SESTD1: variants seen among roughly 807,000 people sequenced by gnomAD.
The protein encoded by SESTD1 is SEC14 domain and spectrin repeat-containing protein 1.
SESTD1 carries 43 observed loss-of-function variants against 101.7 expected under a neutral mutation model. That is an observed-to-expected ratio of 0.42 (90% CI 0.33 to 0.55). The LOEUF is 0.55. SESTD1 is among the 20% of genes least tolerant of loss of function. SESTD1 has a pLI of 0.07. For missense variants in SESTD1, 647 were observed against 815.1 expected, an observed-to-expected ratio of 0.79 and a Z score of 2.51; for synonymous variants, 283 against 286.8, an observed-to-expected ratio of 0.99 and a Z score of 0.13.
At chr2:179,258,598 T>C (rs897075733) in intron 1 of SESTD1, among the ~76,000 whole-genome samples, 1 of 152,210 alleles carries the variant, frequency 6.6e-6, no homozygotes, top group African/African-American at 2.4e-5. Context: ...AGATTACTTC[T>C]TTCCAAGAAT....
chr2:179,115,134 A>G lies in SESTD1; in HGVS notation c.1770T>C (p.Phe590=). The G allele has an allele frequency of 1.7e-5, 27 of 1,613,656 alleles. No individual in the cohort carries two copies. Among genetic ancestry groups the G allele is most frequent in the Non-Finnish European group, 2.3e-5 (27 of 1,179,866 alleles). The change falls in exon 16 of 18, where the codon TTT becomes TTC. Residue 590 remains phenylalanine (F), a synonymous_variant. Coordinates refer to ENST00000428443, the MANE Select transcript of SESTD1 (RefSeq NM_178123.5). The part of the protein sequence containing the change: ...LPRLNRVWKQ[F]TIASEERVHR... ...GTACTCTCTCTTCAGATGCTATTGT[A>G]AATTGTTTCCATACTCTGTTCAGTC...
intron 1 of SESTD1, among the ~76,000 whole-genome samples, chr2:179,229,780 A>ATATATATATATATAT (rs2046953299): frequency 3.9e-5 from 3 of 77,346 alleles, no homozygotes; most frequent in African/African-American, 6.9e-5. Context: ...TATATACTCA[A>ATATATATATATATAT]ATACACACAC....
rs140203892 is a variant in SESTD1, at chr2:179,198,956, G to A, written c.-25-7090C>T. On this transcript the variant is annotated intron_variant, in intron 1 of 17. Transcript: ENST00000428443. ...CAGAAGGCAAGAAATAACTAAAATC[G>A]GAGTTAAACTGAAGGAAATAGAGAC... 2.1e-3 allele frequency among the ~76,000 whole-genome samples: 315 copies of A among 152,038 alleles called. 1 individual carries two copies. Among genetic ancestry groups the A allele is most frequent in the African/African-American group, 7.0e-3 (290 of 41,484 alleles).
At chr2:179,174,581 ATAAAAGTGCTGGAAGCACTTT>A in intron 4 of SESTD1, 1 of 384,066 alleles carries the variant, frequency 2.6e-6, no homozygotes, top group South Asian at 2.1e-5. Flanking sequence ...GGCTTGAAAT[ATAAAAGTGCTGGAAGCACTTT>A]TTTTTCAAAG....
intron 15 of SESTD1, 134 bp downstream of exon 15, chr2:179,116,534 T>G: frequency 7.0e-7 from 1 of 1,435,302 alleles, no homozygotes; most frequent in Non-Finnish European, 9.8e-7. Context: ...CAGCTGACAT[T>G]TTCTTAATTC....
chr2:179,258,564 T>C (rs569572014), intron 1 of SESTD1, among the ~76,000 whole-genome samples: 1 of 152,222 alleles, frequency 6.6e-6, no homozygotes, highest in Non-Finnish European at 1.5e-5. Flanking sequence ...GCAAATCTAC[T>C]AGAAGGCAAT....
chr2:179,254,675 T>C (rs1182760433), intron 1 of SESTD1, among the ~76,000 whole-genome samples: 1 of 152,228 alleles, frequency 6.6e-6, no homozygotes, highest in African/African-American at 2.4e-5. Context: ...CAATCAAAGC[T>C]AGCCCATGAA....
rs992130081 is a variant in SESTD1, at chr2:179,106,180, T to C, written c.*3719A>G. 6.6e-6 allele frequency: 1 copy of C among 152,192 alleles called. No homozygotes were observed. Among genetic ancestry groups the C allele is most frequent in the African/African-American group, 2.4e-5 (1 of 41,454 alleles). 9.4% of individuals were successfully genotyped at this position (152,192 alleles called of 1,614,324 possible). A position where few individuals can be genotyped will look rare whatever the true frequency, so the allele number is the denominator to read the frequency against. ...TTTCCTTTGGGGGCTTAAGCAAAGATATCCTAATCATACAGATCTCACTAC... is the reference window on the plus strand; with the variant it reads ...TTTCCTTTGGGGGCTTAAGCAAAGACATCCTAATCATACAGATCTCACTAC... On this transcript the variant is annotated 3_prime_UTR_variant, in exon 18 of 18. Coordinates refer to ENST00000428443, the MANE Select transcript of SESTD1 (RefSeq NM_178123.5).
chr2:179,201,972 C>G (rs963191688), intron 1 of SESTD1, among the ~76,000 whole-genome samples: 1 of 120,630 alleles, frequency 8.3e-6, no homozygotes, highest in East Asian at 2.1e-4. Flanking sequence ...AAGAGGAATG[C>G]TTAGGACAAG....
rs763769051 is a variant in SESTD1, at chr2:179,212,195, T to C, written c.-25-20329A>G. Reference sequence around the variant, plus strand: ...GGGCAAGCCGAAGCAGGGCGGGGAGTTGCTTCACCTAGGAAGCGCAAGGGG... The same window carrying C: ...GGGCAAGCCGAAGCAGGGCGGGGAGCTGCTTCACCTAGGAAGCGCAAGGGG... On this transcript the variant is annotated intron_variant, in intron 1 of 17. Coordinates refer to ENST00000428443, the MANE Select transcript of SESTD1 (RefSeq NM_178123.5). Among the ~76,000 whole-genome samples the C allele has an allele frequency of 2.7e-4, 36 of 131,654 alleles. 6 individuals carry two copies. Among genetic ancestry groups the C allele is most frequent in the Non-Finnish European group, 5.2e-4 (32 of 61,780 alleles). The allele number at this position is 131,654 out of a possible 152,430, so 86.4% of individuals were successfully genotyped here. A position where few individuals can be genotyped will look rare whatever the true frequency, so the allele number is the denominator to read the frequency against.
intron 1 of SESTD1, among the ~76,000 whole-genome samples, chr2:179,200,439 A>G (rs2046488818): frequency 6.6e-6 from 1 of 150,732 alleles, no homozygotes; most frequent in African/African-American, 2.5e-5. Flanking sequence ...TTCATATGGA[A>G]CCAAAAAAGA....
chr2:179,138,758 C>T (rs1018410361), intron 9 of SESTD1, among the ~76,000 whole-genome samples: 2 of 151,004 alleles, frequency 1.3e-5, no homozygotes, highest in African/African-American at 4.9e-5. Flanking sequence ...GTAGTCCCAG[C>T]TACTCAGGAG....
At chr2:179,182,530 A>T (rs902362648) in intron 3 of SESTD1, among the ~76,000 whole-genome samples, 1 of 150,870 alleles carries the variant, frequency 6.6e-6, no homozygotes, top group Admixed American at 6.6e-5. Flanking sequence ...AGGAAGCTTT[A>T]TTTTTTTTTG....
chr2:179,196,682 C>G (rs2046401451), intron 1 of SESTD1, among the ~76,000 whole-genome samples: 1 of 152,156 alleles, frequency 6.6e-6, no homozygotes, highest in South Asian at 2.1e-4. Context: ...TGGGAGGCAC[C>G]CCCCAGAAGG....
Position 179,151,292 on chromosome 2 carries a change from A to G in SESTD1, c.469T>C (p.Leu157=). The G allele has an allele frequency of 6.3e-7, 1 of 1,595,410 alleles. No homozygotes were observed. Among genetic ancestry groups the G allele is most frequent in the Non-Finnish European group, 8.5e-7 (1 of 1,172,186 alleles). The change falls in exon 6 of 18, where the codon TTA becomes CTA. Residue 157 remains leucine (L), a synonymous_variant. Transcript: ENST00000428443. ...GSLTYDHMDW[L]NKRLVFEKFT... is the part of the protein sequence containing the mutation. ...AATATACCAACCAGCCTCTTATTTAACCAGTCCATGTGATCATAGGTGAGA... is the reference window on the plus strand; with the variant it reads ...AATATACCAACCAGCCTCTTATTTAGCCAGTCCATGTGATCATAGGTGAGA...
intron 9 of SESTD1, among the ~76,000 whole-genome samples, chr2:179,136,991 AAAATGATGC>A (rs2045160122): frequency 6.6e-6 from 1 of 152,134 alleles, no homozygotes; most frequent in Non-Finnish European, 1.5e-5. Flanking sequence ...ATTTCTAATA[AAAATGATGC>A]AAATTGAGGT....
At chr2:179,195,816 G>A (rs1192336447) in intron 1 of SESTD1, among the ~76,000 whole-genome samples, 2 of 148,236 alleles carry the variant, frequency 1.3e-5, no homozygotes, top group Non-Finnish European at 3.0e-5. Flanking sequence ...AGGTTATAAA[G>A]GTAAAAAGGC....
chr2:179,193,988 C>A (rs527920956), intron 1 of SESTD1, among the ~76,000 whole-genome samples: 1 of 152,124 alleles, frequency 6.6e-6, no homozygotes, highest in Non-Finnish European at 1.5e-5. Flanking sequence ...CTCACTCTCT[C>A]GGGATCCTGA....
chr2:179,245,298 T>C (rs571670120), intron 1 of SESTD1, among the ~76,000 whole-genome samples: 1 of 152,050 alleles, frequency 6.6e-6, no homozygotes, highest in Non-Finnish European at 1.5e-5. Flanking sequence ...GGACGGATCA[T>C]GAGGTTAGGA....
Sources: allele counts gnomAD v4.1 joint callset (sites outside exome capture counted in the v4.1 genomes callset), GRCh38; gene constraint gnomAD v4.1.1; transcripts MANE v1.5; gene names NCBI Gene and HGNC (gene_info 2026-07-23, HGNC 2026-07-21).